The following RPS6KA5 variants were observed in gnomAD, a reference collection of about 807,000 sequenced individuals.
RPS6KA5 encodes the protein ribosomal protein S6 kinase A5, also known as ribosomal protein S6 kinase alpha-5.
A neutral mutation model predicts 85.5 loss-of-function variants in RPS6KA5; 27 were observed. That is an observed-to-expected ratio of 0.32 (90% CI 0.23 to 0.44). RPS6KA5 has a LOEUF of 0.44. Ranked by LOEUF, RPS6KA5 falls within the 20% of genes least tolerant of loss-of-function variation. RPS6KA5 has a pLI of 1.00. For synonymous variants in RPS6KA5, 334 were observed against 348.2 expected (o/e 0.96, Z 0.46); for missense variants, 811 against 980.9 (o/e 0.83, Z 2.31).
At chr14:90,937,803 A>C (rs1303104472) in intron 5 of RPS6KA5, among the ~76,000 whole-genome samples, 3 of 152,136 alleles carry the variant, frequency 2.0e-5, no homozygotes, top group African/African-American at 7.2e-5. Flanking sequence ...GCATGGGAAA[A>C]ACTTGCCCCC....
rs188674556 is a variant in RPS6KA5, at chr14:90,880,196, C to T, written c.1837-4836G>A. ...AGTTCGATGGTATTAAATATCTTCA[C>T]GGTATGCAACCATCATCACCATCCA... On this transcript the variant is annotated intron_variant, in intron 14 of 16. Coordinates refer to ENST00000614987, the MANE Select transcript of RPS6KA5 (RefSeq NM_004755.4). 3.3e-4 allele frequency among the ~76,000 whole-genome samples: 50 copies of T among 152,252 alleles called. No individual in the cohort carries two copies. In the South Asian group the frequency reaches 4.1e-3, roughly 13 times the overall value.
chr14:91,042,250 C>T (rs567310806), intron 1 of RPS6KA5, among the ~76,000 whole-genome samples: 1 of 152,260 alleles, frequency 6.6e-6, no homozygotes, highest in East Asian at 1.9e-4. Context: ...GTGGCTCACA[C>T]CTGTTATCCC....
At chr14:90,950,711 C>T (rs781404928) in intron 3 of RPS6KA5, among the ~76,000 whole-genome samples, 43 of 152,156 alleles carry the variant, frequency 2.8e-4, no homozygotes, top group Non-Finnish European at 5.7e-4. Context: ...GTTGGTAAAC[C>T]AATCTTGCAC....
chr14:90,885,501 C>G (rs1190716802), intron 14 of RPS6KA5, among the ~76,000 whole-genome samples: 30 of 91,802 alleles, frequency 3.3e-4, no homozygotes, highest in African/African-American at 5.3e-4. Context: ...TGCAGTGAGC[C>G]GAGATCCCGC....
chr14:91,041,293 C>T (rs2042598238), intron 1 of RPS6KA5, among the ~76,000 whole-genome samples: 1 of 152,180 alleles, frequency 6.6e-6, no homozygotes, highest in African/African-American at 2.4e-5. Flanking sequence ...GGGACAACAA[C>T]TTTTTTTCAT....
At position 91,008,125 on chromosome 14, in the gene RPS6KA5, C is replaced by G. The variant is rs553035841; in HGVS notation, c.104-6966G>C. Among the ~76,000 whole-genome samples, 6 of 152,356 alleles carry G rather than the reference C, an allele frequency of 3.9e-5. No homozygotes were observed. The East Asian group carries it at 1.2e-3, about 29-fold the overall frequency. On this transcript the variant is annotated intron_variant, in intron 1 of 16. Transcript: ENST00000614987. Reference sequence around the variant, plus strand: ...GATCGGTAAAAATGCATTTTTCACTCTGTTGCCATAGTTTCAGCTAAGCTG... The same window carrying G: ...GATCGGTAAAAATGCATTTTTCACTGTGTTGCCATAGTTTCAGCTAAGCTG...
chr14:90,971,129 C>T (rs1430406691), intron 3 of RPS6KA5, among the ~76,000 whole-genome samples: 1 of 152,038 alleles, frequency 6.6e-6, no homozygotes, highest in East Asian at 1.9e-4. Context: ...CCAGCCTGGC[C>T]AGCATGGTGA....
At chr14:90,933,494 A>T (rs1053470787) in intron 5 of RPS6KA5, among the ~76,000 whole-genome samples, 1 of 152,084 alleles carries the variant, frequency 6.6e-6, no homozygotes, top group African/African-American at 2.4e-5. Flanking sequence ...ATTCCATTAG[A>T]TCTAATGTCA....
intron 2 of RPS6KA5, among the ~76,000 whole-genome samples, chr14:90,990,334 T>C (rs2040249830): frequency 6.6e-6 from 1 of 152,156 alleles, no homozygotes; most frequent in South Asian, 2.1e-4. Context: ...TGAGATACCA[T>C]CTCACACCAG....
At chr14:90,874,691 A>G (rs2033334155) in intron 15 of RPS6KA5, among the ~76,000 whole-genome samples, 1 of 152,126 alleles carries the variant, frequency 6.6e-6, no homozygotes, top group Admixed American at 6.5e-5. Context: ...AGGTGAAAGG[A>G]TGCTGCAGGA....
chr14:90,917,540 G>A (rs144897969), intron 7 of RPS6KA5, among the ~76,000 whole-genome samples: 6 of 152,122 alleles, frequency 3.9e-5, no homozygotes, highest in African/African-American at 1.4e-4. Flanking sequence ...GTTTTCCTAC[G>A]TACTGTAATC....
intron 1 of RPS6KA5, among the ~76,000 whole-genome samples, chr14:91,039,193 C>G (rs1039829083): frequency 6.6e-6 from 1 of 152,124 alleles, no homozygotes; most frequent in Admixed American, 6.5e-5. Flanking sequence ...GTGATGCATG[C>G]AGGGGGCTAT....
intron 1 of RPS6KA5, among the ~76,000 whole-genome samples, chr14:91,057,126 G>A (rs564193728): frequency 1.5e-4 from 23 of 151,720 alleles, no homozygotes; most frequent in African/African-American, 5.1e-4. Flanking sequence ...TGATCCACCC[G>A]CCTCAGCCTC....
chr14:90,925,359 C>T (rs1411429749), intron 5 of RPS6KA5, among the ~76,000 whole-genome samples: 1 of 152,202 alleles, frequency 6.6e-6, no homozygotes, highest in Non-Finnish European at 1.5e-5. Flanking sequence ...TGAAAACAAA[C>T]TACAGAAAAA....
intron 16 of RPS6KA5, among the ~76,000 whole-genome samples, chr14:90,872,712 T>C (rs577183993): frequency 6.6e-6 from 1 of 152,296 alleles, no homozygotes; most frequent in South Asian, 2.1e-4. Flanking sequence ...AAAGTCCCAA[T>C]GCAAGCAGAC....
intron 3 of RPS6KA5, among the ~76,000 whole-genome samples, chr14:90,972,131 T>C (rs1426145812): frequency 6.6e-6 from 1 of 152,252 alleles, no homozygotes; most frequent in Non-Finnish European, 1.5e-5. Context: ...AAACATACCA[T>C]GTTCTTGAAT....
At chr14:90,941,389 A>C (rs939156091) in intron 5 of RPS6KA5, among the ~76,000 whole-genome samples, 1 of 151,884 alleles carries the variant, frequency 6.6e-6, no homozygotes, top group Admixed American at 6.6e-5. Flanking sequence ...ACTCCTCCAG[A>C]CTCCTGCCTG....
At chr14:91,044,368 AGAAAGAAGGAAAGAAAGAAAGAAG>A (rs1426849136) in intron 1 of RPS6KA5, among the ~76,000 whole-genome samples, 1,122 of 18,024 alleles carry the variant, frequency 0.062, 31 homozygotes, top group African/African-American at 0.11. Flanking sequence ...AGAAAGAGAA[AGAAAGAAGGAAAGAAAGAAAGAAG>A]GAAAGAAAGA....
At chr14:90,924,325 T>C (rs1327965146) in intron 5 of RPS6KA5, among the ~76,000 whole-genome samples, 1 of 152,198 alleles carries the variant, frequency 6.6e-6, no homozygotes, top group East Asian at 1.9e-4. Context: ...TCTCTTCTAT[T>C]TGTAAAAATA....
Sources: gnomAD v4.1 joint callset for allele counts (sites outside exome capture counted in the v4.1 genomes callset) on GRCh38, gnomAD v4.1.1 for gene constraint, MANE v1.5 for transcripts, NCBI Gene and HGNC (gene_info 2026-07-23, HGNC 2026-07-21) for gene names.